Variants in NDUFS6 observed in about 807,000 individuals in gnomAD.
The protein encoded by NDUFS6 is NADH:ubiquinone oxidoreductase subunit S6, also known as NADH dehydrogenase [ubiquinone] iron-sulfur protein 6, mitochondrial.
Under a neutral mutation model 13.2 loss-of-function variants are expected in NDUFS6, and 14 were observed. The ratio of observed to expected loss-of-function variants is 1.06; its 90% CI spans 0.70 to 1.66. The LOEUF is 1.66. NDUFS6 is among the 40% of genes most tolerant of loss of function. NDUFS6 has a pLI of 0.00. For missense variants in NDUFS6, 206 were observed against 170.8 expected (o/e 1.21, Z -1.15); for synonymous variants, 95 against 72.3 (o/e 1.31, Z -1.60).
intron 2 of NDUFS6, among the ~76,000 whole-genome samples, chr5:1,806,579 AGT>A (rs1306076278): frequency 6.6e-6 from 1 of 152,176 alleles, no homozygotes; most frequent in Non-Finnish European, 1.5e-5. Flanking sequence ...TTCTGAGAAG[AGT>A]GTGTAGATTT....
chr5:1,815,659 G>C (rs983213378), intron 3 of NDUFS6, among the ~76,000 whole-genome samples, 192 bp from the exon 4 acceptor site: 1 of 152,208 alleles, frequency 6.6e-6, no homozygotes, highest in Non-Finnish European at 1.5e-5. Context: ...TGCGTAGCCC[G>C]GGGTGGGAGC....
At chr5:1,804,998 G>A (rs1226965385) in intron 2 of NDUFS6, among the ~76,000 whole-genome samples, 5 of 152,164 alleles carry the variant, frequency 3.3e-5, no homozygotes, top group African/African-American at 4.8e-5. Flanking sequence ...GGCAGCCCCT[G>A]ATCGTACTGT....
At chr5:1,807,001 G>A (rs146967939) in intron 2 of NDUFS6, among the ~76,000 whole-genome samples, 13 of 152,310 alleles carry the variant, frequency 8.5e-5, no homozygotes, top group African/African-American at 2.9e-4. Context: ...CCCACAACAC[G>A]GATAAGCCTG....
Position 1,814,425 on chromosome 5 carries a change from G to A in NDUFS6, c.273G>A (p.Gly91=), listed in dbSNP as rs1247325757. 1.2e-6 allele frequency: 2 copies of A among 1,614,182 alleles called. No homozygotes were observed. Among genetic ancestry groups the A allele is most frequent in the South Asian group, 1.1e-5 (1 of 91,078 alleles). The change falls in exon 3 of 4, where the codon GGG becomes GGA. Residue 91 remains glycine (G), a synonymous_variant. Coordinates refer to ENST00000274137, the MANE Select transcript of NDUFS6 (RefSeq NM_004553.6). This position sits in a 1 kb window ranked among gnomAD's most constrained non-coding sequence, Gnocchi z 4.9. The part of the protein sequence containing the change: ...ETRVIACDGG[G]GALGHPKVYI... Reference sequence around the variant, plus strand: ...GGGTGATAGCGTGCGATGGCGGCGGGGGAGCTCTTGGCCACCCAAAAGTGT... The same window carrying A: ...GGGTGATAGCGTGCGATGGCGGCGGAGGAGCTCTTGGCCACCCAAAAGTGT...
In NDUFS6 at chr5:1,810,199, A is replaced by G. The variant is rs76515020; in HGVS notation, c.187-4140A>G. 2.4e-4 allele frequency among the ~76,000 whole-genome samples: 37 copies of G among 152,324 alleles called. 1 individual carries two copies. The East Asian group carries it at 7.2e-3, about 29-fold the overall frequency. The stretch of plus-strand genomic sequence containing the variant: ...GGGGCGGGGACGCTGTAGAAGGAGC[A>G]CAAAGTTTCAGGCTGTGCCATTAAG... On this transcript the variant is annotated intron_variant, in intron 2 of 3. Transcript: ENST00000274137.
intron 2 of NDUFS6, among the ~76,000 whole-genome samples, chr5:1,802,588 C>G (rs772837519): frequency 2.0e-5 from 3 of 152,106 alleles, no homozygotes; most frequent in Non-Finnish European, 4.4e-5. Flanking sequence ...AGCCGTAGTT[C>G]TGGTTTGCAT....
chr5:1,815,710 C>A, intron 3 of NDUFS6, 141 bp from the exon 4 acceptor site: 1 of 896,596 alleles, frequency 1.1e-6, no homozygotes, highest in Non-Finnish European at 1.8e-6. Flanking sequence ...CCGAGATCGA[C>A]AGTCTGCATT....
chr5:1,815,834 C>T lies in NDUFS6; in HGVS notation c.310-17C>T. ...AGAATATGGAAATATGACATCATTC[C>T]TTTTGAATTTTTTCAGGACAAAGAA... is the stretch of plus-strand genomic sequence containing the variant. On this transcript the variant is annotated splice_polypyrimidine_tract_variant and intron_variant, in intron 3 of 3. Transcript: ENST00000274137. 1.2e-6 allele frequency: 2 copies of T among 1,613,580 alleles called. No homozygotes were observed. The highest frequency in any genetic ancestry group is 4.5e-5 in the East Asian group (2 of 44,884).
At chr5:1,812,158 G>A (rs150125023) in intron 2 of NDUFS6, among the ~76,000 whole-genome samples, 1,616 of 152,228 alleles carry the variant, frequency 0.011, 17 homozygotes, top group Non-Finnish European at 0.012. Flanking sequence ...TCTGGTGAGG[G>A]TGGAAGGTGG....
Position 1,815,877 on chromosome 5 carries a change from C to T in NDUFS6, c.336C>T (p.Cys112=), listed in dbSNP as rs149406977. The T allele has an allele frequency of 3.2e-5, 52 of 1,614,218 alleles. No individual in the cohort carries two copies. Among genetic ancestry groups the T allele is most frequent in the African/African-American group, 1.9e-4 (14 of 75,046 alleles). ...ACAAAGAAACAAAAACCGGCACATGCGGTTACTGTGGGCTCCAGTTCAGAC... is the reference window on the plus strand; with the variant it reads ...ACAAAGAAACAAAAACCGGCACATGTGGTTACTGTGGGCTCCAGTTCAGAC... ...NLDKETKTGT[C]GYCGLQFRQH... is the part of the protein sequence containing the mutation. The change falls in exon 4 of 4, where the codon TGC becomes TGT. Residue 112 remains cysteine, a synonymous_variant. Transcript: ENST00000274137.
At chr5:1,802,113 CTCTCT>C (rs1734055442) in intron 1 of NDUFS6, 1 of 577,178 alleles carries the variant, frequency 1.7e-6, no homozygotes, top group African/African-American at 1.9e-5. Flanking sequence ...CTCTGTGCTG[CTCTCT>C]GATCCAGGTG....
Position 1,814,351 on chromosome 5 carries a change from T to C in NDUFS6, c.199T>C (p.Phe67Leu). Reference protein sequence around the residue: ...VGRQKEVNENFAIDLIAEQPV... With the variant: ...VGRQKEVNENLAIDLIAEQPV... ...CTTCTTGTTCCAGGTGAATGAAAAC[T>C]TTGCCATTGATTTGATAGCAGAGCA... The change falls in exon 3 of 4, where the codon TTT becomes CTT. Residue 67 changes from phenylalanine to leucine, a missense_variant. Physicochemically the swap from Phe to Leu is conservative, Grantham distance 22 (BLOSUM62 0). Transcript: ENST00000274137. The surrounding 1 kb of genome is among the most constrained non-coding windows in gnomAD (Gnocchi z 4.9). 6.2e-7 allele frequency: 1 copy of C among 1,614,226 alleles called. No homozygotes were observed. The highest frequency in any genetic ancestry group is 1.3e-5 in the African/African-American group (1 of 75,052).
Position 1,812,914 on chromosome 5 carries a change from G to A in NDUFS6, c.187-1425G>A, listed in dbSNP as rs555527980. On this transcript the variant is annotated intron_variant, in intron 2 of 3. Coordinates refer to ENST00000274137, the MANE Select transcript of NDUFS6 (RefSeq NM_004553.6). ...CTAAAAATACAAAAATTAGTCGGAC[G>A]TGGTGGCGGGTGCCTGTAATCCCAG... Among the ~76,000 whole-genome samples, 14 of 152,248 alleles carry A rather than the reference G, an allele frequency of 9.2e-5. No homozygotes were observed. The East Asian group carries it at 2.7e-3, about 30-fold the overall frequency.
Position 1,805,875 on chromosome 5 carries a change from G to A in NDUFS6, c.186+3501G>A, listed in dbSNP as rs538882187. Among the ~76,000 whole-genome samples the A allele has an allele frequency of 4.6e-5, 7 of 152,082 alleles. 1 individual carries two copies. The South Asian group carries it at 6.2e-4, about 14-fold the overall frequency. ...GTAGCTGGGGCTGCCCTGCCTGGCC[G>A]CATCCGGATTCAGGCTCCTGCGCTG... On this transcript the variant is annotated intron_variant, in intron 2 of 3. Coordinates refer to ENST00000274137, the MANE Select transcript of NDUFS6 (RefSeq NM_004553.6).
chr5:1,809,522 C>T (rs899499365), intron 2 of NDUFS6, among the ~76,000 whole-genome samples: 4 of 152,266 alleles, frequency 2.6e-5, no homozygotes, highest in Non-Finnish European at 2.9e-5. Flanking sequence ...TGGAGCCAGA[C>T]GTTTGCTGGT....
chr5:1,815,662 G>A (rs1734296851), intron 3 of NDUFS6, among the ~76,000 whole-genome samples, 189 bp from the exon 4 acceptor site: 1 of 152,246 alleles, frequency 6.6e-6, no homozygotes, highest in African/African-American at 2.4e-5. Flanking sequence ...GTAGCCCGGG[G>A]TGGGAGCCTG....
rs747442701 is a variant in NDUFS6, at chr5:1,814,414, G to A, written c.262G>A (p.Asp88Asn). ...SEVETRVIAC[D>N]GGGGALGHPK... ...GGTGGAGACTCGGGTGATAGCGTGC[G>A]ATGGCGGCGGGGGAGCTCTTGGCCA... Residue 88 changes from aspartate to asparagine, a missense_variant, in exon 3 of 4, where the codon GAT becomes AAT. Asp to Asn is a conservative substitution (Grantham distance 23, BLOSUM62 1). Coordinates refer to ENST00000274137, the MANE Select transcript of NDUFS6 (RefSeq NM_004553.6). This position sits in a 1 kb window ranked among gnomAD's most constrained non-coding sequence, Gnocchi z 4.9. The A allele has an allele frequency of 4.9e-5, 79 of 1,614,038 alleles. No homozygotes were observed. In the Admixed American group the frequency reaches 1.2e-3, roughly 25 times the overall value.
intron 2 of NDUFS6, among the ~76,000 whole-genome samples, chr5:1,807,857 G>C (rs1394770726): frequency 6.6e-6 from 1 of 152,214 alleles, no homozygotes. Flanking sequence ...AGGTACCCAG[G>C]GGTCAGTAGC....
At position 1,815,979 on chromosome 5, in the gene NDUFS6, C is replaced by T. The variant is rs146485974; in HGVS notation, c.*63C>T. The T allele has an allele frequency of 3.0e-5, 47 of 1,550,862 alleles. No homozygotes were observed. Among genetic ancestry groups the T allele is most frequent in the African/African-American group, 1.5e-4 (11 of 73,694 alleles). On this transcript the variant is annotated 3_prime_UTR_variant, in exon 4 of 4. Coordinates refer to ENST00000274137, the MANE Select transcript of NDUFS6 (RefSeq NM_004553.6). ...AGCATTTCCGCGGGGAAGCTGAGCACGTGAAGCTCGCTGGTTCTGTGCGAA... is the reference window on the plus strand; with the variant it reads ...AGCATTTCCGCGGGGAAGCTGAGCATGTGAAGCTCGCTGGTTCTGTGCGAA...
Sources: allele counts gnomAD v4.1 joint callset (sites outside exome capture counted in the v4.1 genomes callset), GRCh38; gene constraint gnomAD v4.1.1; non-coding constraint Gnocchi (gnomAD v3.1); transcripts MANE v1.5; gene names NCBI Gene and HGNC (gene_info 2026-07-23, HGNC 2026-07-21).